The following SLC24A3 variants were observed in gnomAD, a reference collection of about 807,000 sequenced individuals.
SLC24A3 encodes the protein sodium/potassium/calcium exchanger 3.
SLC24A3 carries 28 observed loss-of-function variants against 75.8 expected under a neutral mutation model. The observed-to-expected ratio is 0.37, with a 90% CI of 0.27 to 0.51. The LOEUF (loss-of-function observed/expected upper bound fraction) is 0.51, where lower values mean the gene tolerates loss of function less well. Among genes scored for constraint, SLC24A3 ranks in the 20% least tolerant of loss-of-function variants. The pLI is 0.94. For synonymous variants in SLC24A3, 372 were observed against 334.1 expected, an observed-to-expected ratio of 1.11 and a Z score of -1.24; for missense variants, 663 against 847.8, an observed-to-expected ratio of 0.78 and a Z score of 2.71.
rs997642595 is a variant in SLC24A3, at chr20:19,710,430, G to A, written c.1720-7098G>A. ...TAAATCCCTGTTGACTTTGGAACTAGCCACCCTCCTGTTTCCTCCACAACA... is the reference window on the plus strand; with the variant it reads ...TAAATCCCTGTTGACTTTGGAACTAACCACCCTCCTGTTTCCTCCACAACA... On this transcript the variant is annotated intron_variant, in intron 15 of 16. Transcript: ENST00000328041. 7.9e-5 allele frequency among the ~76,000 whole-genome samples: 12 copies of A among 152,324 alleles called. 1 individual carries two copies. Among genetic ancestry groups the A allele is most frequent in the South Asian group, 2.1e-4 (1 of 4,828 alleles).
At chr20:19,607,708 C>A (rs2031615418) in intron 6 of SLC24A3, among the ~76,000 whole-genome samples, 1 of 152,234 alleles carries the variant, frequency 6.6e-6, no homozygotes, top group Non-Finnish European at 1.5e-5. Flanking sequence ...CTGCACCATA[C>A]ACTCCAGACC....
intron 14 of SLC24A3, 141 bp downstream of exon 14, chr20:19,697,052 A>G: frequency 4.7e-6 from 3 of 632,142 alleles, no homozygotes; most frequent in South Asian, 2.0e-5. Flanking sequence ...GGAGGGAGGG[A>G]GTGAAGGAAA....
intron 1 of SLC24A3, among the ~76,000 whole-genome samples, chr20:19,273,417 A>G (rs1271466896): frequency 6.6e-6 from 1 of 151,788 alleles, no homozygotes; most frequent in African/African-American, 2.4e-5. Flanking sequence ...TGGCTTAGCC[A>G]CCCCTCTCCC....
At chr20:19,327,867 A>G (rs142455199) in intron 2 of SLC24A3, among the ~76,000 whole-genome samples, 1 of 152,348 alleles carries the variant, frequency 6.6e-6, no homozygotes, top group African/African-American at 2.4e-5. Flanking sequence ...AGGACAAGGA[A>G]CAAAGAAGGA....
intron 3 of SLC24A3, among the ~76,000 whole-genome samples, chr20:19,527,141 A>C (rs2030213520): frequency 6.6e-6 from 1 of 152,096 alleles, no homozygotes. Context: ...GCCTCCTGGA[A>C]GCTTTCTTTG....
chr20:19,601,072 A>G (rs1252807740), intron 6 of SLC24A3, among the ~76,000 whole-genome samples: 1 of 152,158 alleles, frequency 6.6e-6, no homozygotes, highest in Non-Finnish European at 1.5e-5. Context: ...GCTGTACCTA[A>G]GTTTTCTCAT....
intron 12 of SLC24A3, among the ~76,000 whole-genome samples, chr20:19,690,051 A>C (rs2032728483): frequency 6.7e-6 from 1 of 149,846 alleles, no homozygotes; most frequent in Non-Finnish European, 1.5e-5. Flanking sequence ...AAAAAAAAAA[A>C]GGAAAATTAA....
intron 3 of SLC24A3, among the ~76,000 whole-genome samples, chr20:19,570,597 C>T (rs946731895): frequency 6.6e-6 from 1 of 152,132 alleles, no homozygotes; most frequent in African/African-American, 2.4e-5. Flanking sequence ...GATATAGTAA[C>T]ATAGGATACT....
intron 1 of SLC24A3, among the ~76,000 whole-genome samples, chr20:19,277,511 T>G (rs979551861): frequency 3.3e-5 from 5 of 152,210 alleles, no homozygotes; most frequent in Admixed American, 3.3e-4. Flanking sequence ...ACAAATGAAC[T>G]GTGCTATAAT....
intron 9 of SLC24A3, among the ~76,000 whole-genome samples, chr20:19,674,143 A>G (rs1287630450): frequency 6.6e-6 from 1 of 152,226 alleles, no homozygotes; most frequent in Non-Finnish European, 1.5e-5. Flanking sequence ...ATATCCTGGC[A>G]TGGAGTTATC....
chr20:19,706,164 A>G (rs998214383), intron 15 of SLC24A3, among the ~76,000 whole-genome samples: 28 of 152,208 alleles, frequency 1.8e-4, no homozygotes, highest in African/African-American at 6.5e-4. Flanking sequence ...AGAGCTGTCC[A>G]GAAATATTCT....
In SLC24A3 at chr20:19,396,198, G is replaced by A. The variant is rs1690972289; in HGVS notation, c.271+115111G>A. On this transcript the variant is annotated intron_variant, in intron 2 of 16. Transcript: ENST00000328041. ...CAAAGGTTGATGTGCTCTTGCTGTT[G>A]CCTTTCCAATTGGTGCACTTTGAAA... Among the ~76,000 whole-genome samples the A allele has an allele frequency of 2.0e-5, 3 of 152,122 alleles. No homozygotes were observed. In the South Asian group the frequency reaches 6.2e-4, roughly 32 times the overall value.
intron 2 of SLC24A3, among the ~76,000 whole-genome samples, chr20:19,317,587 T>C (rs1984614302): frequency 6.6e-6 from 1 of 152,196 alleles, no homozygotes; most frequent in Non-Finnish European, 1.5e-5. Flanking sequence ...GTAAAACAGC[T>C]TCCCATCCCC....
chr20:19,279,301 G>A (rs759675914), intron 1 of SLC24A3, among the ~76,000 whole-genome samples: 35 of 152,160 alleles, frequency 2.3e-4, no homozygotes, highest in Non-Finnish European at 4.1e-4. Context: ...TCCGTTTTCC[G>A]CCCGCGGCAA....
chr20:19,628,526 C>T (rs1600309811), intron 6 of SLC24A3, among the ~76,000 whole-genome samples: 1 of 152,144 alleles, frequency 6.6e-6, no homozygotes. Context: ...AAACTCATGG[C>T]TTCTCCTTCA....
At chr20:19,255,728 G>A (rs1982795743) in intron 1 of SLC24A3, among the ~76,000 whole-genome samples, 1 of 152,236 alleles carries the variant, frequency 6.6e-6, no homozygotes, top group Non-Finnish European at 1.5e-5. Context: ...CTTGCTAGAT[G>A]AGATGTGCTG....
chr20:19,282,208 C>A (rs1004955862), intron 2 of SLC24A3, among the ~76,000 whole-genome samples: 8 of 152,126 alleles, frequency 5.3e-5, no homozygotes, highest in African/African-American at 1.9e-4. Context: ...CCCTTCCCAC[C>A]ATACTTAGAC....
At chr20:19,477,755 C>T (rs771716077) in intron 2 of SLC24A3, among the ~76,000 whole-genome samples, 1 of 152,192 alleles carries the variant, frequency 6.6e-6, no homozygotes, top group South Asian at 2.1e-4. Context: ...GCTCCTCTGA[C>T]AATTTCTCCC....
chr20:19,457,322 G>T (rs541202735), intron 2 of SLC24A3, among the ~76,000 whole-genome samples: 1 of 152,220 alleles, frequency 6.6e-6, no homozygotes, highest in South Asian at 2.1e-4. Flanking sequence ...ACCCTGAGCT[G>T]TAACTTTAAA....
Sources: allele counts gnomAD v4.1 joint callset (sites outside exome capture counted in the v4.1 genomes callset), GRCh38; gene constraint gnomAD v4.1.1; transcripts MANE v1.5; gene names NCBI Gene and HGNC (gene_info 2026-07-23, HGNC 2026-07-21).